The following BIRC6 variants were observed in gnomAD, a reference collection of about 807,000 sequenced individuals.
The protein encoded by BIRC6 is baculoviral IAP repeat containing 6, also known as dual E2 ubiquitin-conjugating enzyme/E3 ubiquitin-protein ligase BIRC6.
Under a neutral mutation model 503.3 loss-of-function variants are expected in BIRC6, and 98 were observed. The observed-to-expected ratio is 0.19, with a 90% CI of 0.17 to 0.23. BIRC6 has a LOEUF of 0.23. BIRC6 is among the 10% of genes least tolerant of loss of function. The pLI is 1.00. For missense variants in BIRC6, 5,360 were observed against 5,806.0 expected, an observed-to-expected ratio of 0.92 and a Z score of 2.50; for synonymous variants, 2,240 against 2,078.7, an observed-to-expected ratio of 1.08 and a Z score of -2.11.
intron 23 of BIRC6, among the ~76,000 whole-genome samples, chr2:32,459,068 T>G (rs560838377): frequency 2.6e-5 from 4 of 152,314 alleles, no homozygotes; most frequent in Admixed American, 1.3e-4. Flanking sequence ...TTAGGTAGGT[T>G]TTAAAAATTG....
Position 32,464,581 on chromosome 2 carries a change from G to A in BIRC6, c.5014G>A (p.Val1672Ile). Residue 1672 changes from valine to isoleucine, a missense_variant, in exon 25 of 74, where the codon GTT becomes ATT. By Grantham distance (29) the Val-to-Ile change is conservative (BLOSUM62 3). This residue lies in a region of BIRC6 where 2,299 missense variants were observed against 2,267.2 expected (regional missense o/e 1.01). Coordinates refer to ENST00000421745, the MANE Select transcript of BIRC6 (RefSeq NM_016252.4). ...AAAAASAVGP[V>I]HNSVPSNPVA... ...TGCAGCAGCATCAGCAGTAGGTCCTGTTCACAACTCTGTGCCTTCCAACCC... is the reference window on the plus strand; with the variant it reads ...TGCAGCAGCATCAGCAGTAGGTCCTATTCACAACTCTGTGCCTTCCAACCC... The A allele has an allele frequency of 6.2e-7, 1 of 1,611,646 alleles. No individual in the cohort carries two copies. Among genetic ancestry groups the A allele is most frequent in the South Asian group, 1.1e-5 (1 of 90,818 alleles).
intron 56 of BIRC6, 92 bp downstream of exon 56, chr2:32,518,489 G>T: frequency 3.0e-6 from 4 of 1,322,866 alleles, no homozygotes; most frequent in Middle Eastern, 2.2e-4. Context: ...TTCTAACTTC[G>T]AGTATAGCAA....
At chr2:32,472,384 A>G (rs1303266714) in intron 32 of BIRC6, among the ~76,000 whole-genome samples, 1 of 152,228 alleles carries the variant, frequency 6.6e-6, no homozygotes, top group Non-Finnish European at 1.5e-5. Flanking sequence ...ACAGTCTTGA[A>G]AAAAAGAAAA....
chr2:32,455,062 C>G (rs2047091123), intron 23 of BIRC6, among the ~76,000 whole-genome samples: 1 of 151,942 alleles, frequency 6.6e-6, no homozygotes, highest in Admixed American at 6.5e-5. Flanking sequence ...TAAATCAGGA[C>G]CTTTCGTGGA....
At position 32,599,830 on chromosome 2, in the gene BIRC6, C is replaced by T; in HGVS notation, c.13922C>T (p.Pro4641Leu). Residue 4641 changes from proline to leucine, a missense_variant, in exon 70 of 74, where the codon CCT (proline) becomes CTT (leucine). Coordinates refer to ENST00000421745, the MANE Select transcript of BIRC6 (RefSeq NM_016252.4). ...CCTCAAGATTATCCCAGTTCACCCC[C>T]TCTTGTGAATCTAGAGACAACTGGT... ...YFPQDYPSSP[P>L]LVNLETTGGH... 1 of 1,613,894 alleles carries T rather than the reference C, an allele frequency of 6.2e-7. No individual in the cohort carries two copies. Among genetic ancestry groups the T allele is most frequent in the Non-Finnish European group, 8.5e-7 (1 of 1,179,822 alleles).
At chr2:32,595,795 C>G (rs2061637990) in intron 68 of BIRC6, among the ~76,000 whole-genome samples, 1 of 152,086 alleles carries the variant, frequency 6.6e-6, no homozygotes, top group African/African-American at 2.4e-5. Context: ...TCTTTGAAAC[C>G]TCATTATAAA....
chr2:32,390,329 C>G (rs1361323881), intron 4 of BIRC6, among the ~76,000 whole-genome samples: 2 of 152,116 alleles, frequency 1.3e-5, no homozygotes, highest in Non-Finnish European at 2.9e-5. Flanking sequence ...CGCCACCATG[C>G]CCAGCTAATT....
chr2:32,451,383 G>C (rs1459116832), intron 22 of BIRC6, among the ~76,000 whole-genome samples: 1 of 152,174 alleles, frequency 6.6e-6, no homozygotes, highest in African/African-American at 2.4e-5. Flanking sequence ...GGATCTATAT[G>C]GTCATAACTA....
rs759165574 is a variant in BIRC6, at chr2:32,488,841, C to T, written c.8095+127C>T. ...ATTCTAGTGGGGAAAAAACAGAATA[C>T]CTTTTTAAAAAGATGCACTAACTTA... On this transcript the variant is annotated intron_variant, in intron 42 of 73. Coordinates refer to ENST00000421745, the MANE Select transcript of BIRC6 (RefSeq NM_016252.4). 3 of 669,110 alleles carry T rather than the reference C, an allele frequency of 4.5e-6. No homozygotes were observed. In the South Asian group the frequency reaches 9.9e-5, roughly 22 times the overall value. 41.4% of individuals were successfully genotyped at this position (669,110 alleles called of 1,614,324 possible). A position where few individuals can be genotyped will look rare whatever the true frequency, so the allele number is the denominator to read the frequency against.
In BIRC6 at chr2:32,491,574, G is replaced by T; in HGVS notation, c.8340+16G>T. On this transcript the variant is annotated intron_variant, in intron 44 of 73. Transcript: ENST00000421745. ...CAGTCCACAGGTAATATGATGTTTA[G>T]CCTGGCATATGCCCAGACTATTCAA... 1 of 1,610,880 alleles carries T rather than the reference G, an allele frequency of 6.2e-7. No individual in the cohort carries two copies. Among genetic ancestry groups the T allele is most frequent in the Non-Finnish European group, 8.5e-7 (1 of 1,178,718 alleles).
At position 32,545,870 on chromosome 2, in the gene BIRC6, CT is replaced by C; in HGVS notation, c.12810+14del. 1 of 1,604,378 alleles carries C rather than the reference CT, an allele frequency of 6.2e-7. No homozygotes were observed. Among genetic ancestry groups the C allele is most frequent in the Non-Finnish European group, 8.5e-7 (1 of 1,171,520 alleles). On this transcript the variant is annotated intron_variant, in intron 63 of 73. Transcript: ENST00000421745. ...CGTGAATCAAACTGAGGTAGGTTCA[CT>C]TTTAATTATTTCAGTTATTAAAAAA...
At chr2:32,465,965 G>A (rs2048499175) in intron 26 of BIRC6, among the ~76,000 whole-genome samples, 2 of 152,282 alleles carry the variant, frequency 1.3e-5, no homozygotes, top group South Asian at 2.1e-4. Context: ...GACATTTAGA[G>A]TGGAAATTTG....
At chr2:32,472,939 T>C (rs970665178) in intron 32 of BIRC6, 173 bp from the exon 33 acceptor site, 1 of 546,674 alleles carries the variant, frequency 1.8e-6, no homozygotes, top group East Asian at 3.4e-5. Context: ...TTGACAGTTA[T>C]CCAGTCTTTA....
chr2:32,603,123 A>G, intron 71 of BIRC6, 40 bp downstream of exon 71: 1 of 1,530,296 alleles, frequency 6.5e-7, no homozygotes, highest in Non-Finnish European at 8.9e-7. Flanking sequence ...TAAGAAATAA[A>G]GAACTGTGTA....
Position 32,401,484 on chromosome 2 carries a change from A to G in BIRC6, c.1279A>G (p.Asn427Asp). ...TTAGGTGCACTTAAAGTTTGAAATT[A>G]ATGCCTATGATCCAGCAATTGTACA... ...LMKVHLKFEI[N>D]AYDPAIVQQL... Residue 427 changes from asparagine (N) to aspartate (D), a missense_variant, in exon 8 of 74, where the codon AAT (asparagine) becomes GAT (aspartate). Coordinates refer to ENST00000421745, the MANE Select transcript of BIRC6 (RefSeq NM_016252.4). The G allele has an allele frequency of 6.2e-7, 1 of 1,613,912 alleles. No homozygotes were observed. Among genetic ancestry groups the G allele is most frequent in the Non-Finnish European group, 8.5e-7 (1 of 1,179,844 alleles).
At chr2:32,593,576 G>A (rs1007029770) in intron 66 of BIRC6, among the ~76,000 whole-genome samples, 1 of 152,072 alleles carries the variant, frequency 6.6e-6, no homozygotes, top group Non-Finnish European at 1.5e-5. Context: ...AAAACTGCTT[G>A]TGGTCCTTTA....
intron 65 of BIRC6, among the ~76,000 whole-genome samples, chr2:32,573,315 A>G (rs981493965): frequency 6.6e-6 from 1 of 152,080 alleles, no homozygotes; most frequent in South Asian, 2.1e-4. Context: ...CTCCTGCCTC[A>G]GTCTCCTGAG....
In BIRC6 at chr2:32,518,867, G is replaced by A. The variant is rs1245006801; in HGVS notation, c.11544G>A (p.Met3848Ile). Reference protein sequence around the residue: ...NATSHVIQHPMYGAGHKFRTL... With the variant: ...NATSHVIQHPIYGAGHKFRTL... ...CTAGCCACGTCATCCAGCATCCAAT[G>A]TATGGAGCAGGCCACAAATTCCGTA... The change falls in exon 57 of 74, where the codon ATG becomes ATA. Residue 3848 changes from methionine to isoleucine, a missense_variant. This residue lies in a region of BIRC6 where 878 missense variants were observed against 928.9 expected (regional missense o/e 0.95). Coordinates refer to ENST00000421745, the MANE Select transcript of BIRC6 (RefSeq NM_016252.4). 3.1e-6 allele frequency: 5 copies of A among 1,613,580 alleles called. No individual in the cohort carries two copies. Among genetic ancestry groups the A allele is most frequent in the Non-Finnish European group, 4.2e-6 (5 of 1,179,672 alleles).
At chr2:32,402,390 A>G (rs1199975058) in intron 8 of BIRC6, among the ~76,000 whole-genome samples, 1 of 152,230 alleles carries the variant, frequency 6.6e-6, no homozygotes, top group Non-Finnish European at 1.5e-5. Flanking sequence ...GACTGAGAAT[A>G]TCTGCCATTT....
Sources: allele counts gnomAD v4.1 joint callset (sites outside exome capture counted in the v4.1 genomes callset), GRCh38; gene constraint gnomAD v4.1.1; regional missense constraint gnomAD v4.1.1; transcripts MANE v1.5; gene names NCBI Gene and HGNC (gene_info 2026-07-23, HGNC 2026-07-21).